Variants in OSBPL5 observed in about 807,000 individuals in gnomAD.
OSBPL5 encodes oxysterol binding protein like 5, also known as oxysterol-binding protein-related protein 5.
OSBPL5 carries 71 observed loss-of-function variants against 111.2 expected under a neutral mutation model. The observed-to-expected ratio is 0.64, with a 90% CI of 0.53 to 0.78. The LOEUF (loss-of-function observed/expected upper bound fraction) is 0.78, where lower values mean the gene tolerates loss of function less well. Ranked by LOEUF, OSBPL5 falls within the 30% of genes least tolerant of loss-of-function variation. The pLI, the probability that OSBPL5 is intolerant of heterozygous loss-of-function variation, is 0.00. For synonymous variants in OSBPL5, 549 were observed against 513.9 expected (o/e 1.07, Z -0.93); for missense variants, 1,210 against 1,189.3 (o/e 1.02, Z -0.26).
chr11:3,090,908 G>C (rs1212353511), intron 19 of OSBPL5, among the ~76,000 whole-genome samples: 1 of 152,216 alleles, frequency 6.6e-6, no homozygotes, highest in Non-Finnish European at 1.5e-5. Flanking sequence ...TTTCCTCATG[G>C]GTGAGACAGA....
intron 1 of OSBPL5, 113 bp from the exon 2 acceptor site, chr11:3,129,282 G>T (rs1858744985): frequency 9.4e-7 from 1 of 1,061,504 alleles, no homozygotes; most frequent in Non-Finnish European, 1.3e-6. Flanking sequence ...GACTTCTGAG[G>T]CAGGGTGAGG....
intron 2 of OSBPL5, among the ~76,000 whole-genome samples, chr11:3,127,775 T>C (rs1858678877): frequency 6.6e-6 from 1 of 151,666 alleles, no homozygotes; most frequent in African/African-American, 2.4e-5. Flanking sequence ...AGGGATAGGG[T>C]GCAGGTGCCC....
At chr11:3,093,468 G>C in intron 17 of OSBPL5, 59 bp downstream of exon 17, 2 of 1,584,798 alleles carry the variant, frequency 1.3e-6, no homozygotes, top group South Asian at 2.2e-5. Flanking sequence ...CTGCTGACCT[G>C]CCTGCTTGGC....
In OSBPL5 at chr11:3,142,544, CTG is replaced by C. The variant is rs1255692812; in HGVS notation, c.-21-13377_-21-13376del. Among the ~76,000 whole-genome samples, 10 of 152,198 alleles carry C rather than the reference CTG, an allele frequency of 6.6e-5. No individual in the cohort carries two copies. The highest frequency in any genetic ancestry group is 1.9e-4 in the African/African-American group (8 of 41,442). Reference sequence around the variant, plus strand: ...CCCTCCCTTTTTACAGATGAGGAAACTGAGAATGAAACAGGAAAATGAAATGA... The same window carrying C: ...CCCTCCCTTTTTACAGATGAGGAAACAGAATGAAACAGGAAAATGAAATGA... On this transcript the variant is annotated intron_variant, in intron 1 of 21. Transcript: ENST00000263650. This position sits in a 1 kb window ranked among gnomAD's most constrained non-coding sequence, Gnocchi z 7.1.
chr11:3,164,161 C>A (rs961146890), intron 1 of OSBPL5: 6 of 152,226 alleles, frequency 3.9e-5, no homozygotes, highest in African/African-American at 1.4e-4. Flanking sequence ...GGGACCCTTA[C>A]AGAAGTCTTC....
chr11:3,092,388 G>A lies in OSBPL5; in HGVS notation c.2259+44C>T, dbSNP rs189667809. ...GAGCGAGGGGTGGTGGTGGCCACAC[G>A]TGCAGCTAAGACCAGCCCTGGGTGG... is the stretch of plus-strand genomic sequence containing the variant. On this transcript the variant is annotated intron_variant, in intron 19 of 21. Transcript: ENST00000263650. This position sits in a 1 kb window ranked among gnomAD's most constrained non-coding sequence, Gnocchi z 5.4. 2.4e-3 allele frequency: 3,666 copies of A among 1,527,496 alleles called. 5 individuals carry two copies. Among genetic ancestry groups the A allele is most frequent in the Non-Finnish European group, 3.0e-3 (3,363 of 1,132,120 alleles). The allele number at this position is 1,527,496 out of a possible 1,614,324, so 94.6% of individuals were successfully genotyped here.
At chr11:3,163,098 C>T (rs79279040) in intron 1 of OSBPL5, among the ~76,000 whole-genome samples, 4,100 of 152,338 alleles carry the variant, frequency 0.027, 168 homozygotes, top group African/African-American at 0.092. Flanking sequence ...CCTCTACAAC[C>T]CCCTGTCCCG....
Position 3,123,246 on chromosome 11 carries a change from G to A in OSBPL5, c.220-818C>T, listed in dbSNP as rs530602110. Among the ~76,000 whole-genome samples the A allele has an allele frequency of 1.6e-3, 239 of 152,326 alleles. 8 individuals are homozygous for A. The highest frequency in any genetic ancestry group is 0.015 in the Admixed American group (237 of 15,294). The stretch of plus-strand genomic sequence containing the variant: ...GGGGGCGAGTTGGGACACAGAACCA[G>A]GTCTAAAGCCTGCAGGCTGGGGACA... On this transcript the variant is annotated intron_variant, in intron 3 of 21. Transcript: ENST00000263650.
At chr11:3,151,203 C>T (rs558971480) in intron 1 of OSBPL5, among the ~76,000 whole-genome samples, 69 of 152,296 alleles carry the variant, frequency 4.5e-4, no homozygotes, top group Middle Eastern at 3.4e-3. Context: ...AATCCTCCCC[C>T]AGAGCCTTCG....
chr11:3,089,789 C>G lies in OSBPL5; in HGVS notation c.2501+57G>C, dbSNP rs140564905. ...TCCCCACCTCCCGCCCTAGCTCTACCAGGTCTCTCGCACTCTCTGACCCGG... is the reference window on the plus strand; with the variant it reads ...TCCCCACCTCCCGCCCTAGCTCTACGAGGTCTCTCGCACTCTCTGACCCGG... On this transcript the variant is annotated intron_variant, in intron 21 of 21. Coordinates refer to ENST00000263650, the MANE Select transcript of OSBPL5 (RefSeq NM_020896.4). 5.0e-5 allele frequency: 75 copies of G among 1,498,100 alleles called. No homozygotes were observed. The Middle Eastern group carries it at 7.4e-4, about 15-fold the overall frequency. 92.8% of individuals were successfully genotyped at this position (1,498,100 alleles called of 1,614,324 possible).
intron 7 of OSBPL5, among the ~76,000 whole-genome samples, chr11:3,112,074 C>CAT (rs1554898311): frequency 5.2e-5 from 2 of 38,376 alleles, no homozygotes; most frequent in African/African-American, 1.9e-4. Flanking sequence ...TGTGTGTGTG[C>CAT]ATGTGTGTGT....
chr11:3,138,037 C>T (rs1294589603), intron 1 of OSBPL5, among the ~76,000 whole-genome samples: 2 of 152,196 alleles, frequency 1.3e-5, no homozygotes, highest in East Asian at 1.9e-4. Flanking sequence ...AAGTGGCCTG[C>T]ACTGCTGAGG....
Position 3,107,749 on chromosome 11 carries a change from CCT to C in OSBPL5, c.866+20_866+21del, listed in dbSNP as rs1194711118. The C allele has an allele frequency of 2.5e-6, 4 of 1,608,402 alleles. No individual in the cohort carries two copies. The highest frequency in any genetic ancestry group is 3.4e-6 in the Non-Finnish European group (4 of 1,179,362). On this transcript the variant is annotated intron_variant, in intron 8 of 21. Transcript: ENST00000263650. The surrounding 1 kb of genome is among the most constrained non-coding windows in gnomAD (Gnocchi z 6.1). ...GAGACCCCGTGAATCACCACCAGCC[CCT>C]GTGCCCTCGCCCCACTCACGGGAAC... is the stretch of plus-strand genomic sequence containing the variant.
chr11:3,133,320 G>A (rs1453716142), intron 1 of OSBPL5, among the ~76,000 whole-genome samples: 2 of 152,252 alleles, frequency 1.3e-5, no homozygotes, highest in East Asian at 3.8e-4. Flanking sequence ...AGGAAAGAAG[G>A]ATGGGTCGAC....
intron 1 of OSBPL5, among the ~76,000 whole-genome samples, chr11:3,139,140 C>T (rs546763038): frequency 7.1e-4 from 108 of 152,322 alleles, no homozygotes; most frequent in African/African-American, 2.5e-3. Flanking sequence ...CCCACCCACA[C>T]ACCACCACAG....
rs1209205230 is a variant in OSBPL5, at chr11:3,142,521, C to G, written c.-21-13352G>C. Reference sequence around the variant, plus strand: ...GATTTCACCCGGATGCTTAGCTCCCCTCCCTTTTTACAGATGAGGAAACTG... The same window carrying G: ...GATTTCACCCGGATGCTTAGCTCCCGTCCCTTTTTACAGATGAGGAAACTG... On this transcript the variant is annotated intron_variant, in intron 1 of 21. Transcript: ENST00000263650. The surrounding 1 kb of genome is among the most constrained non-coding windows in gnomAD (Gnocchi z 7.1). 6.6e-6 allele frequency among the ~76,000 whole-genome samples: 1 copy of G among 152,212 alleles called. No homozygotes were observed. Among genetic ancestry groups the G allele is most frequent in the Non-Finnish European group, 1.5e-5 (1 of 68,048 alleles).
intron 7 of OSBPL5, among the ~76,000 whole-genome samples, chr11:3,116,080 ATATTTGGCT>A (rs1181052325): frequency 6.6e-6 from 1 of 152,216 alleles, no homozygotes; most frequent in African/African-American, 2.4e-5. Context: ...CAAAAATGAC[ATATTTGGCT>A]TATTTGGTAT....
At chr11:3,129,682 T>C (rs6650170) in intron 1 of OSBPL5, among the ~76,000 whole-genome samples, 117,810 of 152,108 alleles carry the variant, frequency 0.77, 46,208 homozygotes, top group African/African-American at 0.88. Flanking sequence ...CTGCCATCCA[T>C]CTAAGGGTCC....
intron 7 of OSBPL5, among the ~76,000 whole-genome samples, chr11:3,112,114 T>C (rs575737508): frequency 1.3e-5 from 2 of 150,258 alleles, no homozygotes; most frequent in Non-Finnish European, 3.0e-5. Context: ...TGTGTGTGCA[T>C]GTGTGTGTGT....
Sources: allele counts gnomAD v4.1 joint callset (sites outside exome capture counted in the v4.1 genomes callset), GRCh38; gene constraint gnomAD v4.1.1; non-coding constraint Gnocchi (gnomAD v3.1); transcripts MANE v1.5; gene names NCBI Gene and HGNC (gene_info 2026-07-23, HGNC 2026-07-21).